Variants in KCNK2 observed in about 807,000 individuals in gnomAD.
KCNK2 encodes potassium two pore domain channel subfamily K member 2.
Under a neutral mutation model 40.5 loss-of-function variants are expected in KCNK2, and 21 were observed. That is an observed-to-expected ratio of 0.52 (90% CI 0.37 to 0.75). The LOEUF is 0.75. Ranked by LOEUF, KCNK2 falls within the 30% of genes least tolerant of loss-of-function variation. The pLI, the probability that KCNK2 is intolerant of heterozygous loss-of-function variation, is 0.00. For synonymous variants in KCNK2, 191 were observed against 202.2 expected (o/e 0.94, Z 0.47); for missense variants, 399 against 531.6 (o/e 0.75, Z 2.45).
chr1:215,153,365 T>C (rs1329700657), intron 3 of KCNK2, among the ~76,000 whole-genome samples: 1 of 152,134 alleles, frequency 6.6e-6, no homozygotes, highest in East Asian at 1.9e-4. Context: ...ATTAGGAGAA[T>C]ATCTCAAATC....
intron 1 of KCNK2, among the ~76,000 whole-genome samples, chr1:215,063,407 AC>A (rs1658425654): frequency 6.6e-6 from 1 of 152,154 alleles, no homozygotes; most frequent in Non-Finnish European, 1.5e-5. Context: ...TGCTGCAGTC[AC>A]CCAGGTGAAC....
intron 1 of KCNK2, among the ~76,000 whole-genome samples, chr1:215,065,088 A>T (rs1351032472): frequency 5.9e-5 from 9 of 152,230 alleles, no homozygotes; most frequent in African/African-American, 1.7e-4. Flanking sequence ...ATTAGACGTT[A>T]TATAATCAAG....
At chr1:215,132,827 A>C (rs1661736938) in intron 3 of KCNK2, among the ~76,000 whole-genome samples, 1 of 152,214 alleles carries the variant, frequency 6.6e-6, no homozygotes, top group African/African-American at 2.4e-5. Context: ...AGTATATTTG[A>C]TAGGGAATAA....
chr1:215,187,180 T>C lies in KCNK2; in HGVS notation c.824-7773T>C, dbSNP rs963230844. 2.0e-5 allele frequency among the ~76,000 whole-genome samples: 3 copies of C among 152,064 alleles called. 1 individual carries two copies. The highest frequency in any genetic ancestry group is 3.2e-3 in the Middle Eastern group (1 of 316). On this transcript the variant is annotated intron_variant, in intron 5 of 6. Transcript: ENST00000444842. ...GAGATGAGATCTCCTTCGTTGCCCA[T>C]GCTGGTCTTGAACTCCTGGGCTCAA...
intron 6 of KCNK2, among the ~76,000 whole-genome samples, chr1:215,234,060 G>A (rs771520594): frequency 5.9e-5 from 9 of 152,154 alleles, no homozygotes; most frequent in Non-Finnish European, 1.0e-4. Flanking sequence ...CTGTGAAGAT[G>A]TCTGTTCTAC....
chr1:215,153,718 T>C (rs1033033001), intron 3 of KCNK2, among the ~76,000 whole-genome samples: 2 of 151,958 alleles, frequency 1.3e-5, no homozygotes, highest in African/African-American at 2.4e-5. Flanking sequence ...GCTGCACCTA[T>C]GGACCTGTCC....
chr1:215,015,666 T>A (rs1352046130), intron 1 of KCNK2, among the ~76,000 whole-genome samples: 1 of 152,104 alleles, frequency 6.6e-6, no homozygotes, highest in Non-Finnish European at 1.5e-5. Context: ...CACCTTTGAC[T>A]CCCTCTCAGT....
At chr1:215,188,845 A>G (rs1664554825) in intron 5 of KCNK2, among the ~76,000 whole-genome samples, 1 of 152,070 alleles carries the variant, frequency 6.6e-6, no homozygotes, top group African/African-American at 2.4e-5. Context: ...TTGGAAAAGG[A>G]GGGTTTGTGT....
chr1:215,192,348 G>T (rs1029227032), intron 5 of KCNK2, among the ~76,000 whole-genome samples: 2 of 151,894 alleles, frequency 1.3e-5, no homozygotes, highest in African/African-American at 4.8e-5. Context: ...TTTTCCCCTG[G>T]GCTTAGACTC....
intron 5 of KCNK2, among the ~76,000 whole-genome samples, chr1:215,179,127 T>A (rs1031170612): frequency 2.6e-5 from 4 of 152,084 alleles, no homozygotes; most frequent in African/African-American, 9.7e-5. Flanking sequence ...CTATATTTTT[T>A]AATTTGTGTG....
intron 1 of KCNK2, among the ~76,000 whole-genome samples, chr1:215,048,526 A>C (rs569081150): frequency 6.6e-6 from 1 of 152,352 alleles, no homozygotes; most frequent in East Asian, 1.9e-4. Flanking sequence ...CAACAAACAC[A>C]TACAACAACA....
At chr1:215,099,755 C>T (rs1327781817) in intron 2 of KCNK2, among the ~76,000 whole-genome samples, 1 of 151,914 alleles carries the variant, frequency 6.6e-6, no homozygotes, top group Non-Finnish European at 1.5e-5. Flanking sequence ...TTTAAGGTCT[C>T]AACATGGTTT....
chr1:215,200,414 A>G (rs948503397), intron 6 of KCNK2, among the ~76,000 whole-genome samples: 9 of 152,182 alleles, frequency 5.9e-5, no homozygotes, highest in African/African-American at 7.2e-5. Context: ...AGCAATTAAG[A>G]AATAGTTGCA....
At chr1:215,148,074 C>A (rs998122048) in intron 3 of KCNK2, among the ~76,000 whole-genome samples, 5 of 90,396 alleles carry the variant, frequency 5.5e-5, no homozygotes, top group African/African-American at 2.3e-4. Flanking sequence ...TTTTTATTTT[C>A]TTTTCCTTTT....
intron 1 of KCNK2, among the ~76,000 whole-genome samples, chr1:215,033,442 TC>T (rs1332258544): frequency 6.7e-6 from 1 of 148,846 alleles, no homozygotes; most frequent in Non-Finnish European, 1.5e-5. Context: ...TGATTTTTTT[TC>T]TTGAAAGCCA....
At chr1:215,158,470 G>A (rs941323797) in intron 3 of KCNK2, among the ~76,000 whole-genome samples, 7 of 152,064 alleles carry the variant, frequency 4.6e-5, no homozygotes, top group African/African-American at 1.2e-4. Context: ...TTTAACTTAC[G>A]TGGGGTAGAT....
intron 6 of KCNK2, among the ~76,000 whole-genome samples, chr1:215,230,254 T>G (rs900160070): frequency 1.3e-5 from 2 of 150,536 alleles, no homozygotes; most frequent in Admixed American, 1.3e-4. Context: ...TACTATACGC[T>G]TAGGCTGTAT....
At chr1:215,007,037 A>ATATATATATGTGTG (rs1330420661) in intron 1 of KCNK2, among the ~76,000 whole-genome samples, 2 of 51,604 alleles carry the variant, frequency 3.9e-5, no homozygotes, top group African/African-American at 1.2e-4. Flanking sequence ...ATATATATAT[A>ATATATATATGTGTG]TGTGTGTGTG....
chr1:215,163,779 G>C (rs139300068), intron 3 of KCNK2, among the ~76,000 whole-genome samples: 3,983 of 152,126 alleles, frequency 0.026, 145 homozygotes, highest in African/African-American at 0.088. Context: ...CGACTTGATC[G>C]TGGTGGATAA....
Sources: allele counts gnomAD v4.1 joint callset (sites outside exome capture counted in the v4.1 genomes callset), GRCh38; gene constraint gnomAD v4.1.1; transcripts MANE v1.5; gene names NCBI Gene and HGNC (gene_info 2026-07-23, HGNC 2026-07-21).